Variants in PDE4B observed in about 807,000 individuals in gnomAD.
The protein encoded by PDE4B is phosphodiesterase 4B.
Under a neutral mutation model 82.2 loss-of-function variants are expected in PDE4B, and 20 were observed. That is an observed-to-expected ratio of 0.24 (90% CI 0.17 to 0.35). The LOEUF is 0.35. PDE4B is among the 10% of genes least tolerant of loss of function. PDE4B has a pLI of 1.00. For missense variants in PDE4B, 655 were observed against 907.2 expected, an observed-to-expected ratio of 0.72 and a Z score of 3.57; for synonymous variants, 320 against 318.9, an observed-to-expected ratio of 1.00 and a Z score of -0.04.
At chr1:66,250,847 G>GT (rs1024222122) in intron 4 of PDE4B, among the ~76,000 whole-genome samples, 4 of 152,034 alleles carry the variant, frequency 2.6e-5, no homozygotes, top group East Asian at 1.9e-4. Flanking sequence ...GAAACTCCAT[G>GT]TTTTTTTTCA....
At chr1:65,981,545 CTTTTT>C (rs35405572) in intron 3 of PDE4B, among the ~76,000 whole-genome samples, 1 of 140,306 alleles carries the variant, frequency 7.1e-6, no homozygotes. Flanking sequence ...TTCATGTTTC[CTTTTT>C]TTTTTTTTTG....
Position 66,332,570 on chromosome 1 carries a change from C to A in PDE4B, c.697C>A (p.Leu233Ile), listed in dbSNP as rs116739380. ...GGAATTAGACTGGTGTTTAGACCAG[C>A]TAGAGACCATACAGACCTACCGGTC... ...LEELDWCLDQ[L>I]ETIQTYRSVS... Residue 233 changes from leucine (L) to isoleucine (I), a missense_variant, in exon 8 of 17, where the codon CTA becomes ATA. Leu to Ile is a conservative substitution (Grantham distance 5). Coordinates refer to ENST00000341517, the MANE Select transcript of PDE4B (RefSeq NM_002600.4). 3.1e-6 allele frequency: 5 copies of A among 1,614,000 alleles called. No individual in the cohort carries two copies. The African/African-American group carries it at 6.7e-5, about 22-fold the overall frequency.
chr1:66,108,027 A>G (rs574791202), intron 3 of PDE4B, among the ~76,000 whole-genome samples: 59 of 152,080 alleles, frequency 3.9e-4, no homozygotes, highest in African/African-American at 1.3e-3. Flanking sequence ...TGATGTTTTG[A>G]TATATGTATC....
chr1:66,131,278 A>AT (rs201720126), intron 3 of PDE4B, among the ~76,000 whole-genome samples: 6 of 151,928 alleles, frequency 3.9e-5, no homozygotes, highest in African/African-American at 9.7e-5. Context: ...TTTTCACACC[A>AT]TTTTTTTATA....
intron 3 of PDE4B, among the ~76,000 whole-genome samples, chr1:66,235,367 T>C (rs1652327254): frequency 6.6e-6 from 1 of 152,170 alleles, no homozygotes; most frequent in South Asian, 2.1e-4. Context: ...CCTTATGTAG[T>C]TTGAAACTCT....
At chr1:65,987,860 C>T (rs558581739) in intron 3 of PDE4B, among the ~76,000 whole-genome samples, 12 of 152,316 alleles carry the variant, frequency 7.9e-5, no homozygotes, top group East Asian at 3.9e-4. Context: ...GTGATCCGCC[C>T]GCATTGGCCT....
At chr1:65,917,179 A>T (rs1018256413) in intron 2 of PDE4B, among the ~76,000 whole-genome samples, 1 of 152,230 alleles carries the variant, frequency 6.6e-6, no homozygotes. Context: ...AAATAATAAT[A>T]GATGTGTGTC....
At chr1:66,173,654 A>G (rs1267226474) in intron 3 of PDE4B, among the ~76,000 whole-genome samples, 2 of 152,242 alleles carry the variant, frequency 1.3e-5, no homozygotes, top group African/African-American at 4.8e-5. Context: ...AAGGCTTGGA[A>G]GCCTGCCTAG....
chr1:65,870,242 C>A (rs911643392), intron 1 of PDE4B, among the ~76,000 whole-genome samples: 17 of 152,126 alleles, frequency 1.1e-4, no homozygotes, highest in Admixed American at 6.6e-4. Context: ...TTTGCATAAC[C>A]TAACCATGTC....
intron 2 of PDE4B, among the ~76,000 whole-genome samples, chr1:65,914,467 C>CTTA (rs1472626718): frequency 7.0e-6 from 1 of 142,876 alleles, no homozygotes; most frequent in African/African-American, 2.5e-5. Context: ...TCTTCTTCTT[C>CTTA]TTCTTTTTTT....
intron 7 of PDE4B, among the ~76,000 whole-genome samples, chr1:66,322,535 T>G (rs900681589): frequency 3.3e-5 from 5 of 152,058 alleles, no homozygotes; most frequent in Admixed American, 3.3e-4. Flanking sequence ...AAGAAGACAT[T>G]GATGCAGCCA....
intron 3 of PDE4B, among the ~76,000 whole-genome samples, chr1:66,151,783 C>T (rs375540224): frequency 4.6e-5 from 7 of 152,220 alleles, no homozygotes; most frequent in Admixed American, 2.6e-4. Context: ...TCTTTATTTC[C>T]GATCTTCCAG....
chr1:66,238,300 G>A (rs767766979), intron 3 of PDE4B, among the ~76,000 whole-genome samples: 3 of 152,198 alleles, frequency 2.0e-5, no homozygotes, highest in Admixed American at 6.5e-5. Context: ...AAGCTTCTGA[G>A]GCTGAATCAC....
At chr1:66,350,262 C>G (rs1008010668) in intron 8 of PDE4B, among the ~76,000 whole-genome samples, 15 of 152,070 alleles carry the variant, frequency 9.9e-5, no homozygotes, top group Admixed American at 3.9e-4. Context: ...TTGTTTCATT[C>G]TGCAAAAACA....
intron 3 of PDE4B, among the ~76,000 whole-genome samples, chr1:66,103,769 G>A (rs988669767): frequency 1.1e-4 from 16 of 151,956 alleles, no homozygotes; most frequent in Non-Finnish European, 2.1e-4. Flanking sequence ...GCTTCCATGT[G>A]GTCTCTGAAT....
chr1:66,083,715 C>A (rs1656859330), intron 3 of PDE4B, among the ~76,000 whole-genome samples: 1 of 152,082 alleles, frequency 6.6e-6, no homozygotes, highest in East Asian at 1.9e-4. Context: ...ATCTCCATAA[C>A]CTAAGTGCTG....
At chr1:66,341,009 C>A (rs1182011985) in intron 8 of PDE4B, among the ~76,000 whole-genome samples, 1 of 152,130 alleles carries the variant, frequency 6.6e-6, no homozygotes, top group African/African-American at 2.4e-5. Context: ...CATTTTCTTT[C>A]TAGTTATAGT....
intron 3 of PDE4B, among the ~76,000 whole-genome samples, chr1:66,226,468 G>C (rs1054653451): frequency 7.2e-5 from 11 of 152,210 alleles, no homozygotes; most frequent in Admixed American, 2.0e-4. Flanking sequence ...TGTAACTATA[G>C]ATTGACTAGA....
intron 3 of PDE4B, among the ~76,000 whole-genome samples, chr1:66,192,642 T>C (rs190280873): frequency 1.3e-5 from 2 of 152,302 alleles, no homozygotes; most frequent in East Asian, 3.9e-4. Flanking sequence ...AAGTGAATAT[T>C]CTTTTGACAA....
Sources: allele counts gnomAD v4.1 joint callset (sites outside exome capture counted in the v4.1 genomes callset), GRCh38; gene constraint gnomAD v4.1.1; transcripts MANE v1.5; gene names NCBI Gene and HGNC (gene_info 2026-07-23, HGNC 2026-07-21).